SSBP2: variants seen among roughly 807,000 people sequenced by gnomAD.
The protein encoded by SSBP2 is single stranded DNA binding protein 2, also known as single-stranded DNA-binding protein 2.
In SSBP2, 17 loss-of-function variants were observed where a neutral mutation model predicts 61.8. The observed-to-expected ratio is 0.28, with a 90% CI of 0.19 to 0.41. SSBP2 has a LOEUF of 0.41. SSBP2 is among the 10% of genes least tolerant of loss of function. SSBP2 has a pLI of 1.00. For synonymous variants in SSBP2, 139 were observed against 141.3 expected (o/e 0.98, Z 0.12); for missense variants, 310 against 458.7 (o/e 0.68, Z 2.96).
intron 8 of SSBP2, among the ~76,000 whole-genome samples, chr5:81,471,007 A>G (rs928408558): frequency 6.6e-6 from 1 of 151,854 alleles, no homozygotes; most frequent in African/African-American, 2.4e-5. Flanking sequence ...TTTCATTTAA[A>G]CATATGATAT....
intron 4 of SSBP2, among the ~76,000 whole-genome samples, chr5:81,601,348 G>A (rs568703900): frequency 6.6e-6 from 1 of 152,204 alleles, no homozygotes; most frequent in African/African-American, 2.4e-5. Context: ...AGCAACAGGA[G>A]GATCCTTGTG....
At chr5:81,738,490 C>T (rs141083717) in intron 1 of SSBP2, among the ~76,000 whole-genome samples, 30 of 152,318 alleles carry the variant, frequency 2.0e-4, no homozygotes, top group African/African-American at 7.0e-4. Context: ...TCAAAAGCTA[C>T]ATATCCAAGT....
At chr5:81,601,642 T>G (rs141088668) in intron 4 of SSBP2, among the ~76,000 whole-genome samples, 1 of 152,158 alleles carries the variant, frequency 6.6e-6, no homozygotes, top group South Asian at 2.1e-4. Flanking sequence ...TAATAAAACA[T>G]GTCAATCCGG....
chr5:81,532,511 T>C (rs74646006), intron 4 of SSBP2, among the ~76,000 whole-genome samples: 1 of 151,918 alleles, frequency 6.6e-6, no homozygotes, highest in South Asian at 2.1e-4. Context: ...AAAGATTAGA[T>C]AGTATAAATA....
intron 15 of SSBP2, among the ~76,000 whole-genome samples, chr5:81,435,381 G>A (rs1184230657): frequency 6.6e-6 from 1 of 152,174 alleles, no homozygotes; most frequent in South Asian, 2.1e-4. Context: ...GACAGAGATC[G>A]TGTTTGTTGT....
chr5:81,649,553 G>C (rs573543985), intron 2 of SSBP2, among the ~76,000 whole-genome samples: 1 of 152,004 alleles, frequency 6.6e-6, no homozygotes, highest in Non-Finnish European at 1.5e-5. Context: ...TTCTCACTTA[G>C]AAGTGGGAGC....
intron 1 of SSBP2, among the ~76,000 whole-genome samples, chr5:81,682,067 A>C (rs932410610): frequency 3.3e-5 from 5 of 152,228 alleles, no homozygotes; most frequent in African/African-American, 1.2e-4. Flanking sequence ...TGAATCAATA[A>C]TTAATAATGT....
At chr5:81,488,816 T>A (rs1267585109) in intron 6 of SSBP2, among the ~76,000 whole-genome samples, 1 of 151,092 alleles carries the variant, frequency 6.6e-6, no homozygotes, top group East Asian at 2.0e-4. Context: ...AGGTTTTTTG[T>A]CTTTATTGCC....
chr5:81,479,835 T>G (rs1279612032), intron 6 of SSBP2, among the ~76,000 whole-genome samples: 2 of 152,202 alleles, frequency 1.3e-5, no homozygotes, highest in Non-Finnish European at 2.9e-5. Context: ...TTTGTTAATT[T>G]GTCCATGGTT....
intron 8 of SSBP2, among the ~76,000 whole-genome samples, chr5:81,471,008 CAT>C (rs1165237275): frequency 1.3e-5 from 2 of 151,888 alleles, no homozygotes; most frequent in East Asian, 1.9e-4. Flanking sequence ...TTCATTTAAA[CAT>C]ATGATATGTA....
In SSBP2 at chr5:81,751,067, T is replaced by C. The variant is rs762524934; in HGVS notation, c.-25A>G. 1.2e-5 allele frequency: 19 copies of C among 1,575,790 alleles called. No individual in the cohort carries two copies. The highest frequency in any genetic ancestry group is 8.6e-7 in the Non-Finnish European group (1 of 1,160,812). ...TGCTTGTGCCGAGAGCAGCTCCCAC[T>C]GTCACGCACCTGTCAACCCATCACA... On this transcript the variant is annotated 5_prime_UTR_variant, in exon 1 of 17. Coordinates refer to ENST00000320672, the MANE Select transcript of SSBP2 (RefSeq NM_012446.5).
At chr5:81,651,382 ATC>A (rs936540851) in intron 1 of SSBP2, among the ~76,000 whole-genome samples, 71 of 152,310 alleles carry the variant, frequency 4.7e-4, no homozygotes, top group African/African-American at 1.5e-3. Context: ...CATATCATGC[ATC>A]TGTCATGAAA....
intron 4 of SSBP2, among the ~76,000 whole-genome samples, chr5:81,549,014 AAAG>A (rs1242944280): frequency 5.9e-5 from 9 of 152,226 alleles, no homozygotes; most frequent in African/African-American, 2.2e-4. Context: ...TTTATCTAAG[AAAG>A]AAGAGCTTAG....
chr5:81,589,466 A>G lies in SSBP2; in HGVS notation c.282+26007T>C, dbSNP rs144288869. On this transcript the variant is annotated intron_variant, in intron 4 of 16. Coordinates refer to ENST00000320672, the MANE Select transcript of SSBP2 (RefSeq NM_012446.5). Reference sequence around the variant, plus strand: ...TAAAAATAAATGCTCTTTTCACCCAAAAAGTATGCAGTGAAAATATTTTTT... The same window carrying G: ...TAAAAATAAATGCTCTTTTCACCCAGAAAGTATGCAGTGAAAATATTTTTT... Among the ~76,000 whole-genome samples, 435 of 152,358 alleles carry G rather than the reference A, an allele frequency of 2.9e-3. 3 individuals are homozygous for G. The highest frequency in any genetic ancestry group is 9.9e-3 in the African/African-American group (411 of 41,584).
At chr5:81,577,336 T>G (rs946300871) in intron 4 of SSBP2, among the ~76,000 whole-genome samples, 1 of 152,078 alleles carries the variant, frequency 6.6e-6, no homozygotes, top group African/African-American at 2.4e-5. Context: ...TCTTCCCTTC[T>G]GAAAGACTGG....
rs34578727 is a variant in SSBP2, at chr5:81,481,619, T to TAAA, written c.433-7060_433-7058dup. Among the ~76,000 whole-genome samples the TAAA allele has an allele frequency of 6.5e-3, 783 of 121,018 alleles. 6 individuals are homozygous for TAAA. Among genetic ancestry groups the TAAA allele is most frequent in the African/African-American group, 0.02 (683 of 33,604 alleles). The allele number at this position is 121,018 out of a possible 152,430, so 79.4% of individuals were successfully genotyped here. A position where few individuals can be genotyped will look rare whatever the true frequency, so the allele number is the denominator to read the frequency against. ...TGGGTGACAAGAGTGAAACTACATC[T>TAAA]AAAAAAAAAAAAAAACAAACTGAAA... is the stretch of plus-strand genomic sequence containing the variant. On this transcript the variant is annotated intron_variant, in intron 6 of 16. Transcript: ENST00000320672.
At chr5:81,682,785 C>A (rs1357990739) in intron 1 of SSBP2, among the ~76,000 whole-genome samples, 1 of 152,062 alleles carries the variant, frequency 6.6e-6, no homozygotes, top group Admixed American at 6.6e-5. Flanking sequence ...AACAAAAAAA[C>A]ACCCTTGCTG....
At chr5:81,747,707 T>G (rs1020242927) in intron 1 of SSBP2, among the ~76,000 whole-genome samples, 1 of 152,182 alleles carries the variant, frequency 6.6e-6, no homozygotes, top group Non-Finnish European at 1.5e-5. Context: ...GGCACCTTAA[T>G]GTTCAAGATA....
intron 1 of SSBP2, among the ~76,000 whole-genome samples, chr5:81,711,693 T>TTA (rs1754788740): frequency 6.7e-6 from 1 of 148,814 alleles, no homozygotes; most frequent in African/African-American, 2.5e-5. Flanking sequence ...CTCTACATGA[T>TTA]AAAAAAAAAA....
Sources: allele counts gnomAD v4.1 joint callset (sites outside exome capture counted in the v4.1 genomes callset), GRCh38; gene constraint gnomAD v4.1.1; transcripts MANE v1.5; gene names NCBI Gene and HGNC (gene_info 2026-07-23, HGNC 2026-07-21).